Variants in WFDC9 observed in about 807,000 individuals in gnomAD.
The protein encoded by WFDC9 is WAP four-disulfide core domain 9, also known as protein WFDC9.
In WFDC9, 9 loss-of-function variants were observed where a neutral mutation model predicts 9.5. The observed-to-expected ratio is 0.95, with a 90% CI of 0.57 to 1.65. The LOEUF (loss-of-function observed/expected upper bound fraction) is 1.65. WFDC9 is among the 40% of genes most tolerant of loss of function. The probability of loss-of-function intolerance (pLI) is 0.00; values close to 1 mark genes in which losing one functional copy is unlikely to be tolerated. For synonymous variants in WFDC9, 33 were observed against 32.3 expected (o/e 1.02, Z -0.07); for missense variants, 87 against 106.7 (o/e 0.82, Z 0.81).
intron 1 of WFDC9, among the ~76,000 whole-genome samples, chr20:45,625,319 G>A (rs1351188659): frequency 6.6e-6 from 1 of 152,148 alleles, no homozygotes; most frequent in East Asian, 1.9e-4. Flanking sequence ...TCCACACATG[G>A]GGATTAGAGT....
chr20:45,619,646 A>G (rs1249550869), intron 1 of WFDC9, among the ~76,000 whole-genome samples: 1 of 152,252 alleles, frequency 6.6e-6, no homozygotes, highest in Non-Finnish European at 1.5e-5. Context: ...AATTTTTAAC[A>G]GATTGGAATG....
chr20:45,610,182 G>C lies in WFDC9; in HGVS notation c.-1C>G, dbSNP rs1255668299. 5.0e-6 allele frequency: 8 copies of C among 1,613,732 alleles called. No individual in the cohort carries two copies. In the East Asian group the frequency reaches 1.6e-4, roughly 31 times the overall value. On this transcript the variant is annotated 5_prime_UTR_variant, in exon 3 of 5. Coordinates refer to ENST00000326000, the MANE Select transcript of WFDC9 (RefSeq NM_147198.4). ...CGAGTAGAAGAATCCAGGGCTTCATGGTGCTCTCTGTGTGTATTTGGGTTA... is the reference window on the plus strand; with the variant it reads ...CGAGTAGAAGAATCCAGGGCTTCATCGTGCTCTCTGTGTGTATTTGGGTTA...
Position 45,611,064 on chromosome 20 carries a change from C to T in WFDC9, c.-58-825G>A, listed in dbSNP as rs570608528. Among the ~76,000 whole-genome samples, 158 of 152,334 alleles carry T rather than the reference C, an allele frequency of 1.0e-3. 2 individuals carry two copies. The highest frequency in any genetic ancestry group is 3.5e-3 in the African/African-American group (146 of 41,580). On this transcript the variant is annotated intron_variant, in intron 2 of 4. Transcript: ENST00000326000. ...GGCTCTAATTTGTGAAGTATCTGAA[C>T]TGCAAATGGCCAGACGACATTTCAT...
At chr20:45,612,169 T>G (rs1029763442) in intron 2 of WFDC9, among the ~76,000 whole-genome samples, 3 of 152,182 alleles carry the variant, frequency 2.0e-5, no homozygotes, top group Non-Finnish European at 4.4e-5. Flanking sequence ...AGCATTAAGC[T>G]CAGAATATCC....
At chr20:45,629,709 G>A (rs940490434) in intron 1 of WFDC9, 109 of 1,414,408 alleles carry the variant, frequency 7.7e-5, no homozygotes, top group Non-Finnish European at 9.8e-5. Flanking sequence ...GCAGTGAGGA[G>A]CTAAAGATCA....
intron 2 of WFDC9, among the ~76,000 whole-genome samples, chr20:45,611,697 G>A (rs1449719707): frequency 6.6e-6 from 1 of 152,054 alleles, no homozygotes; most frequent in Non-Finnish European, 1.5e-5. Context: ...TACATATATT[G>A]TTATTTTTAT....
intron 1 of WFDC9, among the ~76,000 whole-genome samples, chr20:45,628,657 A>C (rs902389607): frequency 6.6e-6 from 1 of 152,210 alleles, no homozygotes; most frequent in African/African-American, 2.4e-5. Flanking sequence ...TTTTTGAATT[A>C]TAAAGGATAT....
At chr20:45,626,342 A>G (rs1204434785) in intron 1 of WFDC9, among the ~76,000 whole-genome samples, 1 of 151,964 alleles carries the variant, frequency 6.6e-6, no homozygotes, top group Non-Finnish European at 1.5e-5. Flanking sequence ...TGTCACTGGT[A>G]TTTTAATAGG....
chr20:45,629,866 A>G (rs754675645), intron 1 of WFDC9: 1 of 1,614,006 alleles, frequency 6.2e-7, no homozygotes, highest in Non-Finnish European at 8.5e-7. Flanking sequence ...CTGCTGCTGC[A>G]GGCCCAGGGA....
At chr20:45,627,845 T>C (rs1177820603) in intron 1 of WFDC9, among the ~76,000 whole-genome samples, 2 of 152,236 alleles carry the variant, frequency 1.3e-5, no homozygotes, top group East Asian at 1.9e-4. Context: ...TCCTTTGTGA[T>C]GTAATTCTTT....
intron 1 of WFDC9, among the ~76,000 whole-genome samples, chr20:45,622,404 T>C (rs1341700118): frequency 2.4e-4 from 37 of 152,358 alleles, no homozygotes; most frequent in Non-Finnish European, 1.5e-4. Flanking sequence ...AGTTCTTTCA[T>C]TTGGGGCAAC....
At chr20:45,610,046 T>C in intron 3 of WFDC9, 45 bp downstream of exon 3, 1 of 1,524,050 alleles carries the variant, frequency 6.6e-7, no homozygotes, top group Non-Finnish European at 9.1e-7. Context: ...ACAATAGACA[T>C]CCCAGGACTG....
At position 45,610,866 on chromosome 20, in the gene WFDC9, G is replaced by A. The variant is rs541558148; in HGVS notation, c.-58-627C>T. ...GTAAAAAGCTTTGCTCGTGAAAGCCGGAATGCTGCCTCCTAATTCCAAGTT... is the reference window on the plus strand; with the variant it reads ...GTAAAAAGCTTTGCTCGTGAAAGCCAGAATGCTGCCTCCTAATTCCAAGTT... On this transcript the variant is annotated intron_variant, in intron 2 of 4. Transcript: ENST00000326000. Among the ~76,000 whole-genome samples, 167 of 152,310 alleles carry A rather than the reference G, an allele frequency of 1.1e-3. 2 individuals are homozygous for A. The highest frequency in any genetic ancestry group is 3.6e-3 in the African/African-American group (148 of 41,566).
At chr20:45,618,007 G>A (rs761598948) in intron 1 of WFDC9, among the ~76,000 whole-genome samples, 7 of 152,306 alleles carry the variant, frequency 4.6e-5, no homozygotes, top group East Asian at 1.9e-4. Flanking sequence ...TAATGAACCC[G>A]CACAGTTCAA....
chr20:45,608,879 C>G (rs1297881344), intron 3 of WFDC9, 69 bp from the exon 4 acceptor site: 2 of 1,484,496 alleles, frequency 1.3e-6, no homozygotes, highest in Non-Finnish European at 1.8e-6. Flanking sequence ...CTAAGCTTAA[C>G]AATCCCTTCT....
At chr20:45,612,276 CTGTG>C in intron 2 of WFDC9, among the ~76,000 whole-genome samples, 1 of 151,652 alleles carries the variant, frequency 6.6e-6, no homozygotes, top group Admixed American at 6.6e-5. Context: ...TTCTATGCCT[CTGTG>C]TGTGGAGGGA....
intron 2 of WFDC9, among the ~76,000 whole-genome samples, chr20:45,611,884 C>T (rs1333576480): frequency 1.3e-5 from 2 of 152,122 alleles, no homozygotes; most frequent in African/African-American, 4.8e-5. Flanking sequence ...TAATTTTCAT[C>T]ACCACACTAT....
intron 1 of WFDC9, among the ~76,000 whole-genome samples, chr20:45,620,766 G>A (rs1005759203): frequency 1.3e-5 from 2 of 151,964 alleles, no homozygotes; most frequent in Non-Finnish European, 2.9e-5. Flanking sequence ...TGTCCTCTAT[G>A]TTGAATGTTA....
intron 1 of WFDC9, among the ~76,000 whole-genome samples, chr20:45,625,339 G>T (rs1242600580): frequency 6.6e-6 from 1 of 152,222 alleles, no homozygotes; most frequent in Non-Finnish European, 1.5e-5. Context: ...TTCAAGATGA[G>T]ATTTGGGTGG....
Sources: gnomAD v4.1 joint callset for allele counts (sites outside exome capture counted in the v4.1 genomes callset) on GRCh38, gnomAD v4.1.1 for gene constraint, MANE v1.5 for transcripts, NCBI Gene and HGNC (gene_info 2026-07-23, HGNC 2026-07-21) for gene names.